ACSL4: variants seen among roughly 807,000 people sequenced by gnomAD.
ACSL4 encodes the protein long-chain-fatty-acid--CoA ligase 4.
Under a neutral mutation model 49.1 loss-of-function variants are expected in ACSL4, and 9 were observed. The observed-to-expected ratio is 0.18, with a 90% CI of 0.11 to 0.32. ACSL4 has a LOEUF of 0.32. Ranked by LOEUF, ACSL4 falls within the 10% of genes least tolerant of loss-of-function variation. ACSL4 has a pLI of 1.00. For missense variants in ACSL4, 333 were observed against 493.7 expected, an observed-to-expected ratio of 0.67 and a Z score of 3.08; for synonymous variants, 191 against 170.3, an observed-to-expected ratio of 1.12 and a Z score of -0.95.
chrX:109,660,580 G>C (rs1344180281), intron 14 of ACSL4, among the ~76,000 whole-genome samples: 2 of 111,403 alleles, frequency 1.8e-5, no homozygotes, highest in Admixed American at 9.5e-5. Flanking sequence ...TCTAAATCTA[G>C]GTATCTATCC....
At chrX:109,724,154 C>T (rs917646005) in intron 1 of ACSL4, among the ~76,000 whole-genome samples, 2 of 112,044 alleles carry the variant, frequency 1.8e-5, no homozygotes, top group Admixed American at 1.9e-4. Context: ...TTCAGGTAAA[C>T]GATCATAAAA....
In ACSL4 at chrX:109,659,419, T is replaced by C; in HGVS notation, c.1790A>G (p.Asp597Gly). Residue 597 changes from aspartate to glycine, a missense_variant, in exon 15 of 16, where the codon GAT becomes GGT. Physicochemically the swap from Asp to Gly is moderately conservative, Grantham distance 94. Around this residue, in one of 3 missense-constraint regions of ACSL4, gnomAD observed 175 missense variants for 275.8 expected, o/e 0.63. Coordinates refer to ENST00000672401, the MANE Select transcript of ACSL4 (RefSeq NM_001318510.2). Reference protein sequence around the residue: ...QQKGVEGTWVDICNNPAMEAE... With the variant: ...QQKGVEGTWVGICNNPAMEAE... ...TTCCATAGCAGGATTATTGCAGATATCAACCCAAGTTCCTTCTACCCCTTT... is the reference window on the plus strand; with the variant it reads ...TTCCATAGCAGGATTATTGCAGATACCAACCCAAGTTCCTTCTACCCCTTT... 1 of 1,208,323 alleles carries C rather than the reference T, an allele frequency of 8.3e-7. No homozygotes were observed. The highest frequency in any genetic ancestry group is 1.1e-6 in the Non-Finnish European group (1 of 892,739).
intron 1 of ACSL4, among the ~76,000 whole-genome samples, chrX:109,729,468 TCA>T (rs1306909124): frequency 2.7e-5 from 3 of 111,676 alleles, no homozygotes; most frequent in African/African-American, 9.8e-5. Flanking sequence ...TGAGGAGCAT[TCA>T]CACATTCCTG....
chrX:109,683,451 CA>C, intron 2 of ACSL4, 76 bp from the exon 3 acceptor site: 1 of 1,210,430 alleles, frequency 8.3e-7, no homozygotes, highest in Non-Finnish European at 1.1e-6. Flanking sequence ...GGACAGGCAG[CA>C]AAATAATGGT....
In ACSL4 at chrX:109,661,650, TAA is replaced by T. The variant is rs797045216; in HGVS notation, c.1583-7_1583-6del. 1 of 1,135,872 alleles carries T rather than the reference TAA, an allele frequency of 8.8e-7. No individual in the cohort carries two copies. 93.6% of individuals were successfully genotyped at this position (1,135,872 alleles called of 1,213,427 possible). A position where few individuals can be genotyped will look rare whatever the true frequency, so the allele number is the denominator to read the frequency against. On this transcript the variant is annotated splice_region_variant and splice_polypyrimidine_tract_variant and intron_variant, in intron 13 of 15. Transcript: ENST00000672401. ...TCACTAGATCTTTCTTACGATCTGT[TAA>T]GTCATAAAGAATGTTAAGTCTGTTT... is the stretch of plus-strand genomic sequence containing the variant.
chrX:109,675,817 A>C (rs539864704), intron 8 of ACSL4, among the ~76,000 whole-genome samples: 1 of 112,661 alleles, frequency 8.9e-6, no homozygotes, highest in South Asian at 3.6e-4. Flanking sequence ...TTAGAGTTTA[A>C]GCCTTAGTCT....
chrX:109,671,382 C>T (rs761090661), intron 9 of ACSL4, among the ~76,000 whole-genome samples: 17 of 110,416 alleles, frequency 1.5e-4, no homozygotes, highest in African/African-American at 2.6e-4. Flanking sequence ...GGAGCCCCTC[C>T]GCCCGGCCAG....
chrX:109,664,850 T>C (rs769328412), intron 12 of ACSL4, among the ~76,000 whole-genome samples: 6 of 112,257 alleles, frequency 5.3e-5, no homozygotes, highest in Admixed American at 9.5e-5. Context: ...ACTGTGTATA[T>C]TTAGTATCTT....
chrX:109,691,171 G>A (rs1050794624), intron 2 of ACSL4, among the ~76,000 whole-genome samples: 2 of 111,946 alleles, frequency 1.8e-5, no homozygotes, highest in Non-Finnish European at 3.8e-5. Context: ...AATTAACTTT[G>A]TCCTTGACAT....
At chrX:109,655,388 T>C (rs1199879075) in intron 15 of ACSL4, among the ~76,000 whole-genome samples, 1 of 110,572 alleles carries the variant, frequency 9.0e-6, no homozygotes, top group African/African-American at 3.3e-5. Context: ...CTCTTGAAAA[T>C]TAAAATTCTG....
chrX:109,698,630 GAA>G (rs896282317), intron 1 of ACSL4, among the ~76,000 whole-genome samples: 1 of 110,852 alleles, frequency 9.0e-6, no homozygotes, highest in African/African-American at 3.3e-5. Flanking sequence ...ATTAAAAAAA[GAA>G]AAAAGAGATA....
At chrX:109,657,464 G>A (rs1230497129) in intron 15 of ACSL4, among the ~76,000 whole-genome samples, 3 of 108,090 alleles carry the variant, frequency 2.8e-5, no homozygotes, top group East Asian at 2.9e-4. Flanking sequence ...GAGAATATGC[G>A]GTGTTTGGTT....
At chrX:109,730,975 T>C (rs1459789660) in intron 1 of ACSL4, among the ~76,000 whole-genome samples, 3 of 111,938 alleles carry the variant, frequency 2.7e-5, no homozygotes, top group Non-Finnish European at 3.8e-5. Flanking sequence ...CATTCCCTTA[T>C]AAATTTCTAA....
In ACSL4 at chrX:109,676,759, A is replaced by G. The variant is rs35144454; in HGVS notation, c.930+1229T>C. ...ATTGTTGGGATTTCTGCTATGAACT[A>G]CAGAGAGAAGGAAGAATCCTAACTT... On this transcript the variant is annotated intron_variant, in intron 8 of 15. Coordinates refer to ENST00000672401, the MANE Select transcript of ACSL4 (RefSeq NM_001318510.2). 5.7e-3 allele frequency among the ~76,000 whole-genome samples: 638 copies of G among 111,601 alleles called. 7 individuals carry two copies. The highest frequency in any genetic ancestry group is 0.028 in the Middle Eastern group (6 of 216).
rs747202675 is a variant in ACSL4 at position 109,724,842 on chromosome X, A to G, written c.-66+8297T>C. 1.1e-4 allele frequency among the ~76,000 whole-genome samples: 12 copies of G among 110,103 alleles called. 3 individuals are homozygous for G. The highest frequency in any genetic ancestry group is 7.8e-4 in the South Asian group (2 of 2,548). Reference sequence around the variant, plus strand: ...CAGAAGAATCGCTTGAATCTGTGAGACGGAGGTTGTAGTGAGCCGAGATCA... The same window carrying G: ...CAGAAGAATCGCTTGAATCTGTGAGGCGGAGGTTGTAGTGAGCCGAGATCA... On this transcript the variant is annotated intron_variant, in intron 1 of 15. Transcript: ENST00000672401.
In ACSL4 at chrX:109,676,251, C is replaced by CA. The variant is rs749150227; in HGVS notation, c.930+1736dup. Among the ~76,000 whole-genome samples the CA allele has an allele frequency of 9.3e-3, 730 of 78,432 alleles. 4 individuals are homozygous for CA. Among genetic ancestry groups the CA allele is most frequent in the African/African-American group, 0.022 (469 of 21,043 alleles). The allele number at this position is 78,432 out of a possible 115,157, so 68.1% of individuals were successfully genotyped here. On this transcript the variant is annotated intron_variant, in intron 8 of 15. Transcript: ENST00000672401. Reference sequence around the variant, plus strand: ...TATTTGTGCACTTTAAGTCATATATCAAAAAAAAAAAAAACACAAAGGTGA... The same window carrying CA: ...TATTTGTGCACTTTAAGTCATATATCAAAAAAAAAAAAAAACACAAAGGTGA...
chrX:109,719,705 G>A (rs147929798), intron 1 of ACSL4, among the ~76,000 whole-genome samples: 4 of 112,225 alleles, frequency 3.6e-5, no homozygotes, highest in Non-Finnish European at 7.5e-5. Context: ...GCTACTTTCC[G>A]CCGGGCGTGG....
At chrX:109,662,587 A>AT (rs1470113952) in intron 13 of ACSL4, among the ~76,000 whole-genome samples, 2 of 111,032 alleles carry the variant, frequency 1.8e-5, no homozygotes, top group African/African-American at 6.5e-5. Flanking sequence ...ACAAGGGCCC[A>AT]TTTTGGAGTC....
chrX:109,689,636 G>C (rs1924892546), intron 2 of ACSL4, among the ~76,000 whole-genome samples: 1 of 111,939 alleles, frequency 8.9e-6, no homozygotes, highest in Non-Finnish European at 1.9e-5. Context: ...CATCTACGTA[G>C]CTTATTCTCT....
Sources: gnomAD v4.1 joint callset for allele counts (sites outside exome capture counted in the v4.1 genomes callset) on GRCh38, gnomAD v4.1.1 for gene constraint, gnomAD v4.1.1 regional missense constraint, MANE v1.5 for transcripts, NCBI Gene and HGNC (gene_info 2026-07-23, HGNC 2026-07-21) for gene names.